The following CNTN6 variants were observed in gnomAD, a reference collection of about 807,000 sequenced individuals.
CNTN6 encodes contactin 6, also known as contactin-6.
In CNTN6, 137 loss-of-function variants were observed where a neutral mutation model predicts 122.8. The ratio of observed to expected loss-of-function variants is 1.12; its 90% CI spans 0.97 to 1.29. The LOEUF is 1.29. CNTN6 is among the 50% of genes most tolerant of loss of function. The pLI is 0.00. For synonymous variants in CNTN6, 570 were observed against 426.0 expected (o/e 1.34, Z -4.16); for missense variants, 1,634 against 1,223.4 (o/e 1.34, Z -5.01).
chr3:1,300,329 C>T (rs17037357), intron 7 of CNTN6, among the ~76,000 whole-genome samples: 36,238 of 151,452 alleles, frequency 0.24, 7,388 homozygotes, highest in African/African-American at 0.56. Flanking sequence ...GTGAGGATGC[C>T]CAAGGGAGAG....
At chr3:1,191,684 C>G (rs2093704996) in intron 2 of CNTN6, among the ~76,000 whole-genome samples, 1 of 152,140 alleles carries the variant, frequency 6.6e-6, no homozygotes, top group African/African-American at 2.4e-5. Context: ...TGTGGACACC[C>G]TGGGTACCCA....
intron 2 of CNTN6, among the ~76,000 whole-genome samples, chr3:1,215,503 A>T (rs1356059921): frequency 6.6e-6 from 1 of 152,082 alleles, no homozygotes; most frequent in African/African-American, 2.4e-5. Context: ...CCTTAGGTTC[A>T]TGGTCTCCAA....
intron 19 of CNTN6, among the ~76,000 whole-genome samples, chr3:1,385,186 G>A (rs1692679376): frequency 6.6e-6 from 1 of 151,796 alleles, no homozygotes; most frequent in Non-Finnish European, 1.5e-5. Context: ...GTAGGGTTCA[G>A]TATAAATTGA....
intron 3 of CNTN6, among the ~76,000 whole-genome samples, chr3:1,223,361 T>C (rs958801037): frequency 2.0e-5 from 3 of 152,192 alleles, no homozygotes; most frequent in East Asian, 1.9e-4. Flanking sequence ...GTTTTCTTTC[T>C]TTTAGTAAAT....
At chr3:1,143,992 C>T (rs891500794) in intron 1 of CNTN6, among the ~76,000 whole-genome samples, 1 of 152,146 alleles carries the variant, frequency 6.6e-6, no homozygotes, top group African/African-American at 2.4e-5. Context: ...GAGAAAGAGA[C>T]AATAGTAGAA....
At chr3:1,220,604 A>G in intron 2 of CNTN6, 83 bp from the exon 3 acceptor site, 3 of 1,130,388 alleles carry the variant, frequency 2.7e-6, no homozygotes, top group South Asian at 2.1e-5. Context: ...TTAAATATGT[A>G]TATTGAATTG....
chr3:1,388,402 A>C (rs991741743), intron 20 of CNTN6, among the ~76,000 whole-genome samples: 2 of 150,458 alleles, frequency 1.3e-5, no homozygotes, highest in Admixed American at 6.6e-5. Context: ...CACACCAAAA[A>C]CCCATCTGTA....
rs370229106 is a variant in CNTN6 at position 1,277,341 on chromosome 3, GTTTTC to G, written c.359-1067_359-1063del. ...GAATACTACTTCTGTCTTTTAGTAG[GTTTTC>G]TTTTTTTTTTTTTTTTTTTTTTTTT... On this transcript the variant is annotated intron_variant, in intron 4 of 22. Coordinates refer to ENST00000446702, the MANE Select transcript of CNTN6 (RefSeq NM_001289080.2). Among the ~76,000 whole-genome samples the G allele has an allele frequency of 4.8e-4, 32 of 66,098 alleles. 1 individual carries two copies. The highest frequency in any genetic ancestry group is 7.4e-4 in the Non-Finnish European group (26 of 35,148). 43.4% of individuals were successfully genotyped at this position (66,098 alleles called of 152,430 possible).
chr3:1,379,741 G>GTA (rs1177588946), intron 17 of CNTN6, among the ~76,000 whole-genome samples: 3 of 152,086 alleles, frequency 2.0e-5, no homozygotes, highest in African/African-American at 7.2e-5. Context: ...CTTGCAGAAA[G>GTA]TAAATTAGTG....
chr3:1,261,160 C>T (rs1470269058), intron 4 of CNTN6, among the ~76,000 whole-genome samples: 3 of 152,108 alleles, frequency 2.0e-5, no homozygotes, highest in Admixed American at 2.0e-4. Context: ...ATTTTAGTTA[C>T]TTAATAAATT....
chr3:1,315,714 C>T (rs1034564130), intron 7 of CNTN6, among the ~76,000 whole-genome samples: 8 of 151,846 alleles, frequency 5.3e-5, no homozygotes, highest in South Asian at 2.1e-4. Context: ...TGATTAACCA[C>T]GTTAAAGAAA....
In CNTN6 at chr3:1,153,212, T is replaced by C. The variant is rs1209621369; in HGVS notation, c.55+5149T>C. Among the ~76,000 whole-genome samples, 5 of 152,208 alleles carry C rather than the reference T, an allele frequency of 3.3e-5. No individual in the cohort carries two copies. In the South Asian group the frequency reaches 8.3e-4, roughly 25 times the overall value. On this transcript the variant is annotated intron_variant, in intron 2 of 22. Transcript: ENST00000446702. ...TTCAGTATGAGACTTGGTTTTATCA[T>C]GAAGAAGTGCAATAATTCAAGAAAG... is the stretch of plus-strand genomic sequence containing the variant.
chr3:1,276,317 A>T (rs1370435868), intron 4 of CNTN6, among the ~76,000 whole-genome samples: 2 of 152,220 alleles, frequency 1.3e-5, no homozygotes, highest in Non-Finnish European at 2.9e-5. Flanking sequence ...TTTAAAGAAC[A>T]TGACACTAAG....
intron 5 of CNTN6, among the ~76,000 whole-genome samples, chr3:1,292,376 T>C (rs1464752636): frequency 6.6e-6 from 1 of 152,196 alleles, no homozygotes; most frequent in Non-Finnish European, 1.5e-5. Flanking sequence ...ATTTTATTTT[T>C]TATCTCTTGA....
At chr3:1,269,556 T>C (rs2094987521) in intron 4 of CNTN6, among the ~76,000 whole-genome samples, 1 of 152,224 alleles carries the variant, frequency 6.6e-6, no homozygotes, top group South Asian at 2.1e-4. Flanking sequence ...AGCACTTGTA[T>C]ATTTATTTTT....
At chr3:1,152,563 T>C (rs759895395) in intron 2 of CNTN6, among the ~76,000 whole-genome samples, 1 of 152,196 alleles carries the variant, frequency 6.6e-6, no homozygotes, top group African/African-American at 2.4e-5. Context: ...CAAGATTAAC[T>C]GATGTGATTA....
intron 17 of CNTN6, among the ~76,000 whole-genome samples, chr3:1,379,270 GT>G (rs1481037249): frequency 6.6e-6 from 1 of 152,128 alleles, no homozygotes; most frequent in Non-Finnish European, 1.5e-5. Flanking sequence ...AGACAAATTT[GT>G]CTAGTTTCCT....
At chr3:1,277,368 T>G (rs1402784771) in intron 4 of CNTN6, among the ~76,000 whole-genome samples, 9 of 136,086 alleles carry the variant, frequency 6.6e-5, no homozygotes, top group African/African-American at 2.2e-4. Flanking sequence ...TTTTTTTTTT[T>G]TTTTTTTTTG....
intron 20 of CNTN6, among the ~76,000 whole-genome samples, chr3:1,388,080 T>A (rs1271080923): frequency 7.9e-5 from 12 of 152,106 alleles, no homozygotes; most frequent in African/African-American, 2.9e-4. Flanking sequence ...GAGGCCTGCC[T>A]GCAACTGTAG....
Sources: gnomAD v4.1 joint callset for allele counts (sites outside exome capture counted in the v4.1 genomes callset) on GRCh38, gnomAD v4.1.1 for gene constraint, MANE v1.5 for transcripts, NCBI Gene and HGNC (gene_info 2026-07-23, HGNC 2026-07-21) for gene names.